DNAI4: variants seen among roughly 807,000 people sequenced by gnomAD.
The protein encoded by DNAI4 is WD repeat domain 78.
Under a neutral mutation model 105.8 loss-of-function variants are expected in DNAI4, and 85 were observed. The observed-to-expected ratio is 0.80, with a 90% CI of 0.67 to 0.96. The LOEUF (loss-of-function observed/expected upper bound fraction) is 0.96, where lower values mean the gene tolerates loss of function less well. Ranked by LOEUF, DNAI4 falls within the 40% of genes least tolerant of loss-of-function variation. DNAI4 has a pLI of 0.00. For synonymous variants in DNAI4, 352 were observed against 331.5 expected (o/e 1.06, Z -0.67); for missense variants, 1,014 against 1,005.6 (o/e 1.01, Z -0.11).
In DNAI4 at chr1:66,905,198, T is replaced by C. The variant is rs1417734006; in HGVS notation, c.345+3A>G. ...AATAAACTCAGAATTCTAAGAATAT[T>C]ACCTGTGTTGTCTTTATATTGGGAT... On this transcript the variant is annotated splice_donor_region_variant and intron_variant, in intron 2 of 16. Transcript: ENST00000371026. 1 of 1,481,946 alleles carries C rather than the reference T, an allele frequency of 6.7e-7. No individual in the cohort carries two copies. The highest frequency in any genetic ancestry group is 9.1e-7 in the Non-Finnish European group (1 of 1,100,612). The allele number at this position is 1,481,946 out of a possible 1,614,324, so 91.8% of individuals were successfully genotyped here.
intron 6 of DNAI4, among the ~76,000 whole-genome samples, chr1:66,868,541 C>T (rs1012242584): frequency 5.9e-5 from 9 of 152,284 alleles, no homozygotes; most frequent in African/African-American, 1.9e-4. Context: ...GTTGAATTCA[C>T]TCTCTGCCTG....
At chr1:66,904,113 T>C (rs1649058850) in intron 2 of DNAI4, among the ~76,000 whole-genome samples, 1 of 152,056 alleles carries the variant, frequency 6.6e-6, no homozygotes. Context: ...TGTGCAAATA[T>C]ATAGTATTTG....
At chr1:66,852,545 G>C (rs1212447319) in intron 7 of DNAI4, among the ~76,000 whole-genome samples, 1 of 151,670 alleles carries the variant, frequency 6.6e-6, no homozygotes, top group Admixed American at 6.6e-5. Flanking sequence ...GTTTATTCTA[G>C]GATAAAAGAG....
chr1:66,894,409 C>T (rs2100785026), intron 2 of DNAI4, among the ~76,000 whole-genome samples: 1 of 152,172 alleles, frequency 6.6e-6, no homozygotes, highest in East Asian at 1.9e-4. Context: ...ATGTATGAGT[C>T]CTTTCAGTTG....
chr1:66,904,248 T>C (rs902221551), intron 2 of DNAI4, among the ~76,000 whole-genome samples: 1 of 152,166 alleles, frequency 6.6e-6, no homozygotes, highest in African/African-American at 2.4e-5. Context: ...AGACATGGAA[T>C]AGCTGGATGA....
Position 66,813,928 on chromosome 1 carries a change from T to C in DNAI4, c.*202A>G, listed in dbSNP as rs781042301. ...TTTAGAAAAATTAAGAAAATTCCAC[T>C]GAAACTCTTAAGAATAACTCTTAGA... On this transcript the variant is annotated 3_prime_UTR_variant, in exon 17 of 17. Coordinates refer to ENST00000371026, the MANE Select transcript of DNAI4 (RefSeq NM_024763.5). The C allele has an allele frequency of 8.2e-5, 38 of 460,886 alleles. No individual in the cohort carries two copies. The highest frequency in any genetic ancestry group is 1.2e-4 in the Non-Finnish European group (33 of 265,514). The allele number at this position is 460,886 out of a possible 1,614,324, so 28.5% of individuals were successfully genotyped here. A position where few individuals can be genotyped will look rare whatever the true frequency, so the allele number is the denominator to read the frequency against.
intron 6 of DNAI4, among the ~76,000 whole-genome samples, chr1:66,866,662 A>T (rs1646740837): frequency 6.6e-6 from 1 of 152,236 alleles, no homozygotes; most frequent in South Asian, 2.1e-4. Flanking sequence ...AAAAATATAC[A>T]GGAGGGGTAA....
intron 1 of DNAI4, among the ~76,000 whole-genome samples, chr1:66,916,488 A>G (rs1252470409): frequency 1.3e-5 from 2 of 152,174 alleles, no homozygotes; most frequent in Non-Finnish European, 1.5e-5. Flanking sequence ...AATCAAAATA[A>G]ACGGCATCCC....
chr1:66,840,327 T>C, intron 9 of DNAI4, 142 bp downstream of exon 9: 1 of 725,842 alleles, frequency 1.4e-6, no homozygotes, highest in South Asian at 1.9e-5. Flanking sequence ...TGGAACTTGT[T>C]TTAGGGGCAT....
chr1:66,900,936 T>C (rs1648768222), intron 2 of DNAI4, among the ~76,000 whole-genome samples: 1 of 152,214 alleles, frequency 6.6e-6, no homozygotes, highest in South Asian at 2.1e-4. Flanking sequence ...TAATGTTGAA[T>C]AGCAATGCAA....
chr1:66,922,052 C>G (rs1435527792), intron 1 of DNAI4, among the ~76,000 whole-genome samples: 1 of 151,974 alleles, frequency 6.6e-6, no homozygotes, highest in East Asian at 1.9e-4. Flanking sequence ...CACATGCCAC[C>G]ACGCCTGGCT....
In DNAI4 at chr1:66,857,426, G is replaced by A. The variant is rs1646525525; in HGVS notation, c.1096+4721C>T. ...GGTGCAGCACACCAACTTGGCACAT[G>A]TATACATATGTAACAAAACTGCACG... On this transcript the variant is annotated intron_variant, in intron 7 of 16. Coordinates refer to ENST00000371026, the MANE Select transcript of DNAI4 (RefSeq NM_024763.5). 3.3e-5 allele frequency among the ~76,000 whole-genome samples: 5 copies of A among 151,524 alleles called. No individual in the cohort carries two copies. In the South Asian group the frequency reaches 1.0e-3, roughly 32 times the overall value.
chr1:66,913,949 A>G (rs567655312), intron 1 of DNAI4, among the ~76,000 whole-genome samples: 36 of 149,542 alleles, frequency 2.4e-4, no homozygotes, highest in Admixed American at 1.4e-3. Flanking sequence ...GCGCCACTGC[A>G]CTCCAGCCTG....
intron 8 of DNAI4, among the ~76,000 whole-genome samples, chr1:66,843,210 A>AAG (rs1553214802): frequency 8.8e-5 from 9 of 101,754 alleles, no homozygotes; most frequent in Non-Finnish European, 1.0e-4. Flanking sequence ...AAAAAAAAAA[A>AAG]AAGGTGGGGG....
At chr1:66,826,576 G>GT in intron 15 of DNAI4, among the ~76,000 whole-genome samples, 1 of 152,146 alleles carries the variant, frequency 6.6e-6, no homozygotes. Flanking sequence ...AGGATTACAG[G>GT]TGTGAGCCAC....
intron 8 of DNAI4, among the ~76,000 whole-genome samples, chr1:66,845,775 A>AC (rs945134101): frequency 4.6e-5 from 7 of 151,380 alleles, no homozygotes; most frequent in African/African-American, 1.7e-4. Flanking sequence ...TACTTTATGA[A>AC]CCCACTTATA....
At chr1:66,825,926 ATATAT>A (rs1645743179) in intron 15 of DNAI4, among the ~76,000 whole-genome samples, 1 of 152,218 alleles carries the variant, frequency 6.6e-6, no homozygotes, top group African/African-American at 2.4e-5. Context: ...TAGCATAAAG[ATATAT>A]TATAATTTCC....
chr1:66,866,306 CA>C (rs142657265), intron 6 of DNAI4, among the ~76,000 whole-genome samples: 5 of 113,634 alleles, frequency 4.4e-5, no homozygotes, highest in South Asian at 2.7e-4. Context: ...GACTCTGTCT[CA>C]AAAAAAAAAG....
Position 66,827,874 on chromosome 1 carries a change from G to A in DNAI4, c.2050C>T (p.His684Tyr). ...NIYLAGTEEG[H>Y]IHKCSCSYNE... ...TATGAACAAGAACATTTGTGAATATGACCTTCTTCAGTGCCAGCCAAATAG... is the reference window on the plus strand; with the variant it reads ...TATGAACAAGAACATTTGTGAATATAACCTTCTTCAGTGCCAGCCAAATAG... The change falls in exon 14 of 17, where the codon CAT (histidine) becomes TAT (tyrosine). Residue 684 changes from histidine to tyrosine, a missense_variant. His to Tyr is a moderately conservative substitution (Grantham distance 83). Transcript: ENST00000371026. 1 of 1,607,556 alleles carries A rather than the reference G, an allele frequency of 6.2e-7. No homozygotes were observed. Among genetic ancestry groups the A allele is most frequent in the Non-Finnish European group, 8.5e-7 (1 of 1,177,006 alleles).
Sources: gnomAD v4.1 joint callset for allele counts (sites outside exome capture counted in the v4.1 genomes callset) on GRCh38, gnomAD v4.1.1 for gene constraint, MANE v1.5 for transcripts, NCBI Gene and HGNC (gene_info 2026-07-23, HGNC 2026-07-21) for gene names.